Variants in PPFIA2 observed in about 807,000 individuals in gnomAD.
The protein encoded by PPFIA2 is liprin-alpha-2.
Under a neutral mutation model 175.5 loss-of-function variants are expected in PPFIA2, and 46 were observed. That is an observed-to-expected ratio of 0.26 (90% confidence interval 0.21 to 0.34). The LOEUF (loss-of-function observed/expected upper bound fraction) is 0.34, where lower values mean the gene tolerates loss of function less well. PPFIA2 is among the 10% of genes least tolerant of loss of function. The probability of loss-of-function intolerance (pLI) is 1.00; values close to 1 mark genes in which losing one functional copy is unlikely to be tolerated. For missense variants in PPFIA2, 1,179 were observed against 1,506.1 expected, an observed-to-expected ratio of 0.78 and a Z score of 3.60; for synonymous variants, 568 against 511.4, an observed-to-expected ratio of 1.11 and a Z score of -1.49.
intron 4 of PPFIA2, among the ~76,000 whole-genome samples, chr12:81,611,965 C>CT (rs1456791278): frequency 6.6e-6 from 1 of 152,152 alleles, no homozygotes; most frequent in East Asian, 1.9e-4. Context: ...CCATTAGTGG[C>CT]TGGGAACTGG....
intron 3 of PPFIA2, 87 bp downstream of exon 3, chr12:81,753,880 TAAGTGG>T: frequency 6.9e-7 from 1 of 1,458,148 alleles, no homozygotes; most frequent in Non-Finnish European, 9.3e-7. Flanking sequence ...TCACATATGT[TAAGTGG>T]AAAAGTAACA....
chr12:81,713,769 A>G (rs780083030), intron 3 of PPFIA2, among the ~76,000 whole-genome samples: 4 of 151,152 alleles, frequency 2.6e-5, no homozygotes, highest in Non-Finnish European at 5.9e-5. Context: ...AACCTGATTC[A>G]CTCATCAAAA....
chr12:81,382,120 T>G (rs1488101994), intron 9 of PPFIA2, among the ~76,000 whole-genome samples: 1 of 152,116 alleles, frequency 6.6e-6, no homozygotes, highest in Non-Finnish European at 1.5e-5. Flanking sequence ...AGAGTGTATA[T>G]GTGTAAATAA....
intron 3 of PPFIA2, among the ~76,000 whole-genome samples, chr12:81,707,257 T>G (rs1251243296): frequency 6.6e-6 from 1 of 151,690 alleles, no homozygotes; most frequent in Non-Finnish European, 1.5e-5. Context: ...GGAGAAAATT[T>G]TCACAACCTA....
At chr12:81,500,823 C>A (rs1268344703) in intron 4 of PPFIA2, among the ~76,000 whole-genome samples, 1 of 152,198 alleles carries the variant, frequency 6.6e-6, no homozygotes, top group African/African-American at 2.4e-5. Flanking sequence ...TGAATTTTAT[C>A]TGTTAATTTA....
At chr12:81,459,665 T>C (rs2054183805) in intron 4 of PPFIA2, among the ~76,000 whole-genome samples, 1 of 152,152 alleles carries the variant, frequency 6.6e-6, no homozygotes, top group African/African-American at 2.4e-5. Context: ...ATCAAGTTTT[T>C]AAAGCAGAGG....
intron 4 of PPFIA2, among the ~76,000 whole-genome samples, chr12:81,527,526 T>C (rs1238030179): frequency 1.3e-5 from 2 of 152,130 alleles, no homozygotes; most frequent in Non-Finnish European, 2.9e-5. Flanking sequence ...ATATGCATAG[T>C]TCCTTCTTTA....
intron 4 of PPFIA2, among the ~76,000 whole-genome samples, chr12:81,583,308 G>T (rs1032247699): frequency 6.6e-5 from 10 of 151,666 alleles, no homozygotes; most frequent in Non-Finnish European, 1.5e-4. Flanking sequence ...GTTTCAAAAT[G>T]CTTTCTATCA....
chr12:81,398,848 C>T (rs540109966), intron 8 of PPFIA2, among the ~76,000 whole-genome samples: 8 of 152,064 alleles, frequency 5.3e-5, no homozygotes, highest in African/African-American at 1.2e-4. Context: ...TCTTTCTTGA[C>T]GCTCGACAAT....
At chr12:81,510,522 GATTTT>G (rs2061655370) in intron 4 of PPFIA2, among the ~76,000 whole-genome samples, 1 of 152,040 alleles carries the variant, frequency 6.6e-6, no homozygotes, top group Non-Finnish European at 1.5e-5. Context: ...GCTCTTTACA[GATTTT>G]ATTTCTTTAA....
rs181938752 is a variant in PPFIA2 at position 81,311,130 on chromosome 12, T to C, written c.2643-11748A>G. Among the ~76,000 whole-genome samples, 3 of 152,342 alleles carry C rather than the reference T, an allele frequency of 2.0e-5. No individual in the cohort carries two copies. In the East Asian group the frequency reaches 5.8e-4, roughly 29 times the overall value. On this transcript the variant is annotated intron_variant, in intron 22 of 32. Coordinates refer to ENST00000549396, the MANE Select transcript of PPFIA2 (RefSeq NM_003625.5). ...TGTAAATATTATGCATATTTTATTTTACTTTTTTACTTTGAAGTCAAATTT... is the reference window on the plus strand; with the variant it reads ...TGTAAATATTATGCATATTTTATTTCACTTTTTTACTTTGAAGTCAAATTT...
intron 4 of PPFIA2, among the ~76,000 whole-genome samples, chr12:81,597,522 T>C (rs567385792): frequency 1.3e-5 from 2 of 152,212 alleles, no homozygotes; most frequent in East Asian, 3.9e-4. Context: ...ACTGTGTATA[T>C]GAAATGCAAA....
intron 3 of PPFIA2, among the ~76,000 whole-genome samples, chr12:81,695,104 A>G (rs752925901): frequency 6.6e-6 from 1 of 152,126 alleles, no homozygotes; most frequent in African/African-American, 2.4e-5. Flanking sequence ...GAATTGCTTT[A>G]TCTCTGCTGA....
intron 21 of PPFIA2, among the ~76,000 whole-genome samples, chr12:81,338,247 C>T (rs2057430316): frequency 6.6e-6 from 1 of 152,022 alleles, no homozygotes; most frequent in African/African-American, 2.4e-5. Flanking sequence ...TGGATCATTC[C>T]ATTCAGCACT....
At chr12:81,644,133 C>A (rs2065733452) in intron 4 of PPFIA2, among the ~76,000 whole-genome samples, 1 of 151,880 alleles carries the variant, frequency 6.6e-6, no homozygotes, top group South Asian at 2.1e-4. Context: ...TAAAAATAAT[C>A]ATTTTTAAGG....
chr12:81,362,005 G>GTATCTATGTATC (rs1330255054), intron 15 of PPFIA2, among the ~76,000 whole-genome samples: 10 of 147,470 alleles, frequency 6.8e-5, no homozygotes, highest in African/African-American at 2.2e-4. Context: ...ATGTATCTAT[G>GTATCTATGTATC]TATCTATCTA....
chr12:81,591,634 G>A (rs564644539), intron 4 of PPFIA2, among the ~76,000 whole-genome samples: 17 of 152,192 alleles, frequency 1.1e-4, no homozygotes, highest in Admixed American at 2.0e-4. Flanking sequence ...GATTAAAAGG[G>A]GCCAAAGTTC....
intron 4 of PPFIA2, among the ~76,000 whole-genome samples, chr12:81,468,436 A>G (rs1234871360): frequency 1.3e-5 from 2 of 152,212 alleles, no homozygotes; most frequent in East Asian, 3.9e-4. Flanking sequence ...TTTGGCAGGA[A>G]AAGCCAATTT....
intron 4 of PPFIA2, among the ~76,000 whole-genome samples, chr12:81,632,370 T>A (rs1255578825): frequency 6.6e-6 from 1 of 152,000 alleles, no homozygotes; most frequent in African/African-American, 2.4e-5. Flanking sequence ...TTACATAATT[T>A]GAAAAACATA....
Sources: gnomAD v4.1 joint callset for allele counts (sites outside exome capture counted in the v4.1 genomes callset) on GRCh38, gnomAD v4.1.1 for gene constraint, MANE v1.5 for transcripts, NCBI Gene and HGNC (gene_info 2026-07-23, HGNC 2026-07-21) for gene names.